Variants in USP6NL observed in about 807,000 individuals in gnomAD.
USP6NL encodes the protein USP6 N-terminal like.
A neutral mutation model predicts 61.9 loss-of-function variants in USP6NL; 26 were observed. The observed-to-expected ratio is 0.42, with a 90% confidence interval of 0.31 to 0.58. The LOEUF is 0.58. Ranked by LOEUF, USP6NL falls within the 20% of genes least tolerant of loss-of-function variation. USP6NL has a pLI of 0.16. For synonymous variants in USP6NL, 432 were observed against 390.1 expected, an observed-to-expected ratio of 1.11 and a Z score of -1.27; for missense variants, 1,114 against 1,034.3, an observed-to-expected ratio of 1.08 and a Z score of -1.06.
rs1341286596 is a variant in USP6NL at position 11,487,520 on chromosome 10, A to G, written c.664+1582T>C. On this transcript the variant is annotated intron_variant, in intron 10 of 14. Transcript: ENST00000609104. This position sits in a 1 kb window ranked among gnomAD's most constrained non-coding sequence, Gnocchi z 4.2. ...AAATTGGACAGTCTTGGACACAATT[A>G]CATACCAGTTAAATTTGCATTCTAT... Among the ~76,000 whole-genome samples the G allele has an allele frequency of 2.0e-5, 3 of 152,258 alleles. No homozygotes were observed. The highest frequency in any genetic ancestry group is 4.4e-5 in the Non-Finnish European group (3 of 68,032).
intron 14 of USP6NL, among the ~76,000 whole-genome samples, chr10:11,475,699 G>C (rs1832944769): frequency 1.3e-5 from 2 of 151,846 alleles, no homozygotes; most frequent in Non-Finnish European, 2.9e-5. Context: ...ATTATCAATG[G>C]AAGCCAAAAG....
Position 11,550,445 on chromosome 10 carries a change from G to A in USP6NL, c.5-22878C>T, listed in dbSNP as rs150323970. On this transcript the variant is annotated intron_variant, in intron 2 of 14. Transcript: ENST00000609104. ...CAAGCAGCCTGTTTTTTGTTTTTTC[G>A]GGTTTTGTTTTTTAAAAAAAGCAAA... is the stretch of plus-strand genomic sequence containing the variant. 4.9e-4 allele frequency among the ~76,000 whole-genome samples: 75 copies of A among 151,920 alleles called. 1 individual carries two copies. Among genetic ancestry groups the A allele is most frequent in the African/African-American group, 1.7e-3 (70 of 41,478 alleles).
Position 11,562,795 on chromosome 10 carries a change from A to G in USP6NL, c.4+34836T>C. Reference sequence around the variant, plus strand: ...GAATTGCCTAATTTCTCAGTATTCTAGTTTTATTAGGCATTAGTAAATAAG... The same window carrying G: ...GAATTGCCTAATTTCTCAGTATTCTGGTTTTATTAGGCATTAGTAAATAAG... On this transcript the variant is annotated intron_variant, in intron 2 of 14. Transcript: ENST00000609104. This position sits in a 1 kb window ranked among gnomAD's most constrained non-coding sequence, Gnocchi z 4.8. 7.1e-6 allele frequency: 7 copies of G among 984,348 alleles called. No individual in the cohort carries two copies. The highest frequency in any genetic ancestry group is 8.4e-6 in the Non-Finnish European group (7 of 828,952). 61.0% of individuals were successfully genotyped at this position (984,348 alleles called of 1,614,324 possible).
chr10:11,578,582 C>T (rs568802168), intron 2 of USP6NL, among the ~76,000 whole-genome samples: 1 of 152,170 alleles, frequency 6.6e-6, no homozygotes, highest in East Asian at 1.9e-4. Flanking sequence ...CCACCTCTAG[C>T]CTGGGCAACA....
chr10:11,495,135 G>C lies in USP6NL; in HGVS notation c.385-1907C>G, dbSNP rs1003055453. Among the ~76,000 whole-genome samples the C allele has an allele frequency of 1.3e-5, 2 of 152,230 alleles. No homozygotes were observed. The highest frequency in any genetic ancestry group is 2.9e-5 in the Non-Finnish European group (2 of 68,046). ...CGCTAGACCAAGGAGCCCTCTGGTG[G>C]CCCTGTCCGGGCATAACAGAAGGTT... On this transcript the variant is annotated intron_variant, in intron 7 of 14. Transcript: ENST00000609104. The surrounding 1 kb of genome is among the most constrained non-coding windows in gnomAD (Gnocchi z 4.6).
At position 11,537,994 on chromosome 10, in the gene USP6NL, T is replaced by A. The variant is rs189680847; in HGVS notation, c.5-10427A>T. ...TTTTTGTAAGCACATGTTTTTAAGA[T>A]CATTGGGAAGAGGACAAATTGCCAA... On this transcript the variant is annotated intron_variant, in intron 2 of 14. Transcript: ENST00000609104. The surrounding 1 kb of genome is among the most constrained non-coding windows in gnomAD (Gnocchi z 5.1). 3.4e-3 allele frequency among the ~76,000 whole-genome samples: 523 copies of A among 152,296 alleles called. 3 individuals carry two copies. Among genetic ancestry groups the A allele is most frequent in the Non-Finnish European group, 6.5e-3 (440 of 68,016 alleles).
At chr10:11,558,141 C>A (rs760762251) in intron 2 of USP6NL, among the ~76,000 whole-genome samples, 18 of 152,172 alleles carry the variant, frequency 1.2e-4, no homozygotes, top group Non-Finnish European at 1.9e-4. Context: ...TGCGAAGCGA[C>A]AGGTGGTACC....
chr10:11,582,483 T>C lies in USP6NL; in HGVS notation c.4+15148A>G, dbSNP rs7913239. ...TCAACCTCTACAAACTTCTACAATATAAATTACAGCACATTACTACAAAAA... is the reference window on the plus strand; with the variant it reads ...TCAACCTCTACAAACTTCTACAATACAAATTACAGCACATTACTACAAAAA... On this transcript the variant is annotated intron_variant, in intron 2 of 14. Coordinates refer to ENST00000609104, the MANE Select transcript of USP6NL (RefSeq NM_014688.5). 3.4e-3 allele frequency among the ~76,000 whole-genome samples: 523 copies of C among 152,368 alleles called. 2 individuals carry two copies. The highest frequency in any genetic ancestry group is 0.012 in the African/African-American group (509 of 41,592).
intron 2 of USP6NL, among the ~76,000 whole-genome samples, chr10:11,581,541 T>C (rs1382697284): frequency 6.6e-6 from 1 of 152,254 alleles, no homozygotes; most frequent in African/African-American, 2.4e-5. Flanking sequence ...ACTACTGTCA[T>C]CCTTTTCAGA....
chr10:11,465,074 T>G lies in USP6NL; in HGVS notation c.1079-1225A>C, dbSNP rs1832391249. Among the ~76,000 whole-genome samples the G allele has an allele frequency of 6.6e-6, 1 of 152,222 alleles. No homozygotes were observed. Among genetic ancestry groups the G allele is most frequent in the African/African-American group, 2.4e-5 (1 of 41,452 alleles). ...ATCCATTTAGTCCCAGATAAATATA[T>G]GAATGCCTTCTTCCCTGTAGGCAAA... On this transcript the variant is annotated intron_variant, in intron 14 of 14. Coordinates refer to ENST00000609104, the MANE Select transcript of USP6NL (RefSeq NM_014688.5). This position sits in a 1 kb window ranked among gnomAD's most constrained non-coding sequence, Gnocchi z 4.5.
chr10:11,544,836 C>T (rs1836215880), intron 2 of USP6NL, among the ~76,000 whole-genome samples: 1 of 152,130 alleles, frequency 6.6e-6, no homozygotes, highest in African/African-American at 2.4e-5. Flanking sequence ...CTTCACAATG[C>T]AGCAATAAAA....
rs940450384 is a variant in USP6NL, at chr10:11,482,905, T to C, written c.926-983A>G. 1.3e-5 allele frequency among the ~76,000 whole-genome samples: 2 copies of C among 152,224 alleles called. No individual in the cohort carries two copies. Among genetic ancestry groups the C allele is most frequent in the Non-Finnish European group, 2.9e-5 (2 of 68,042 alleles). Reference sequence around the variant, plus strand: ...AATTGTATATATCTGTGGTAGACAATGTTTTGATATATGTATACACTGTGG... The same window carrying C: ...AATTGTATATATCTGTGGTAGACAACGTTTTGATATATGTATACACTGTGG... On this transcript the variant is annotated intron_variant, in intron 13 of 14. Transcript: ENST00000609104. The surrounding 1 kb of genome is among the most constrained non-coding windows in gnomAD (Gnocchi z 4.0).
rs1397846649 is a variant in USP6NL at position 11,561,985 on chromosome 10, G to A, written c.5-34418C>T. On this transcript the variant is annotated intron_variant, in intron 2 of 14. Coordinates refer to ENST00000609104, the MANE Select transcript of USP6NL (RefSeq NM_014688.5). This position sits in a 1 kb window ranked among gnomAD's most constrained non-coding sequence, Gnocchi z 4.1. The stretch of plus-strand genomic sequence containing the variant: ...AAGAATGCCAGATCTTTTTAAGCAA[G>A]GATGTTCTGAGTAAAAAAAAGAAAT... Among the ~76,000 whole-genome samples, 8 of 152,072 alleles carry A rather than the reference G, an allele frequency of 5.3e-5. No individual in the cohort carries two copies. Among genetic ancestry groups the A allele is most frequent in the Non-Finnish European group, 1.0e-4 (7 of 67,986 alleles).
At chr10:11,494,465 C>T (rs564514525) in intron 7 of USP6NL, among the ~76,000 whole-genome samples, 1 of 152,262 alleles carries the variant, frequency 6.6e-6, no homozygotes, top group South Asian at 2.1e-4. Flanking sequence ...CGGTGAGTTT[C>T]TCCCCGTGTG....
intron 5 of USP6NL, among the ~76,000 whole-genome samples, chr10:11,517,918 G>A (rs911779422): frequency 1.3e-5 from 2 of 152,074 alleles, no homozygotes; most frequent in African/African-American, 4.8e-5. Flanking sequence ...GGGAGATTTC[G>A]GACAACCTTA....
rs974507931 is a variant in USP6NL, at chr10:11,598,068, C to T, written c.-83-351G>A. Among the ~76,000 whole-genome samples the T allele has an allele frequency of 4.6e-5, 7 of 152,190 alleles. No homozygotes were observed. Among genetic ancestry groups the T allele is most frequent in the Non-Finnish European group, 1.0e-4 (7 of 68,028 alleles). On this transcript the variant is annotated intron_variant, in intron 1 of 14. Transcript: ENST00000609104. This position sits in a 1 kb window ranked among gnomAD's most constrained non-coding sequence, Gnocchi z 4.7. ...GAAGGCACTCCATCTAGGGTAAATACAGCCCACATCATCCCTGCTGAGTAT... is the reference window on the plus strand; with the variant it reads ...GAAGGCACTCCATCTAGGGTAAATATAGCCCACATCATCCCTGCTGAGTAT...
Position 11,544,488 on chromosome 10 carries a change from CTT to C in USP6NL, c.5-16923_5-16922del, listed in dbSNP as rs1198605884. ...TATAACAGTAATCTAAATTTTCTCT[CTT>C]TTCTTTTTTTTTTTAAGACAGAATT... On this transcript the variant is annotated intron_variant, in intron 2 of 14. Coordinates refer to ENST00000609104, the MANE Select transcript of USP6NL (RefSeq NM_014688.5). 4.6e-5 allele frequency among the ~76,000 whole-genome samples: 7 copies of C among 152,018 alleles called. No homozygotes were observed. The East Asian group carries it at 9.7e-4, about 21-fold the overall frequency.
At chr10:11,555,582 C>T (rs143618218) in intron 2 of USP6NL, among the ~76,000 whole-genome samples, 9 of 150,162 alleles carry the variant, frequency 6.0e-5, no homozygotes, top group African/African-American at 2.2e-4. Flanking sequence ...CAGTTAGAGT[C>T]CTAGAGAGGA....
chr10:11,495,723 T>C lies in USP6NL; in HGVS notation c.385-2495A>G, dbSNP rs1284070157. 1.3e-5 allele frequency among the ~76,000 whole-genome samples: 2 copies of C among 152,250 alleles called. No individual in the cohort carries two copies. The highest frequency in any genetic ancestry group is 4.8e-5 in the African/African-American group (2 of 41,476). On this transcript the variant is annotated intron_variant, in intron 7 of 14. Transcript: ENST00000609104. The surrounding 1 kb of genome is among the most constrained non-coding windows in gnomAD (Gnocchi z 4.6). ...TCTCTGAAGATATTAAAAATAGTTT[T>C]TTAGATTCTCTTCTTTACACTATAA... is the stretch of plus-strand genomic sequence containing the variant.
Sources: gnomAD v4.1 joint callset for allele counts (sites outside exome capture counted in the v4.1 genomes callset) on GRCh38, gnomAD v4.1.1 for gene constraint, Gnocchi (gnomAD v3.1) non-coding constraint, MANE v1.5 for transcripts, NCBI Gene and HGNC (gene_info 2026-07-23, HGNC 2026-07-21) for gene names.